Variants in CWH43 observed in about 807,000 individuals in gnomAD.
The protein encoded by CWH43 is PGAP2-interacting protein.
Under a neutral mutation model 85.7 loss-of-function variants are expected in CWH43, and 91 were observed. The observed-to-expected ratio is 1.06, with a 90% confidence interval of 0.90 to 1.26. The LOEUF (loss-of-function observed/expected upper bound fraction) is 1.26. CWH43 is among the 50% of genes most tolerant of loss of function. CWH43 has a pLI of 0.00. For missense variants in CWH43, 869 were observed against 839.2 expected, an observed-to-expected ratio of 1.04 and a Z score of -0.44; for synonymous variants, 323 against 293.6, an observed-to-expected ratio of 1.10 and a Z score of -1.02.
chr4:49,028,832 A>G (rs1560503228), intron 10 of CWH43, 98 bp downstream of exon 10: 2 of 753,956 alleles, frequency 2.7e-6, no homozygotes, highest in Non-Finnish European at 4.3e-6. Flanking sequence ...CAGGTATTAG[A>G]TTAAATTTAT....
chr4:49,034,267 T>C (rs958686956), intron 12 of CWH43, among the ~76,000 whole-genome samples: 2 of 152,222 alleles, frequency 1.3e-5, no homozygotes, highest in Non-Finnish European at 2.9e-5. Context: ...TATGTTGTAC[T>C]TAACATTGGG....
intron 8 of CWH43, among the ~76,000 whole-genome samples, chr4:49,014,458 C>A (rs1421306530): frequency 2.8e-3 from 380 of 134,386 alleles, no homozygotes; most frequent in African/African-American, 6.3e-3. Context: ...GACTCTGACT[C>A]AAAAAAAAAA....
At chr4:49,043,066 C>T (rs1369639285) in intron 13 of CWH43, among the ~76,000 whole-genome samples, 1 of 152,126 alleles carries the variant, frequency 6.6e-6, no homozygotes, top group Non-Finnish European at 1.5e-5. Flanking sequence ...ATTTACTAGC[C>T]TAGATGATGC....
intron 15 of CWH43, among the ~76,000 whole-genome samples, chr4:49,054,476 C>CTT (rs1784892936): frequency 6.6e-6 from 1 of 152,036 alleles, no homozygotes; most frequent in Admixed American, 6.6e-5. Flanking sequence ...CTCGTGATTG[C>CTT]TTAGGCTGCT....
In CWH43 at chr4:49,062,032, T is replaced by A; in HGVS notation, c.*142T>A. 2.1e-6 allele frequency: 1 copy of A among 478,454 alleles called. No individual in the cohort carries two copies. Among genetic ancestry groups the A allele is most frequent in the Middle Eastern group, 3.5e-4 (1 of 2,856 alleles). 29.6% of individuals were successfully genotyped at this position (478,454 alleles called of 1,614,324 possible). A position where few individuals can be genotyped will look rare whatever the true frequency, so the allele number is the denominator to read the frequency against. ...CACATGGTATCTATGCAGTGGGAAA[T>A]TACCTCCATTTGTAAACTATGTTGC... is the stretch of plus-strand genomic sequence containing the variant. On this transcript the variant is annotated 3_prime_UTR_variant, in exon 16 of 16. Coordinates refer to ENST00000226432, the MANE Select transcript of CWH43 (RefSeq NM_025087.3).
intron 8 of CWH43, among the ~76,000 whole-genome samples, chr4:49,008,365 C>G (rs1161715267): frequency 1.4e-5 from 2 of 142,944 alleles, no homozygotes; most frequent in Non-Finnish European, 3.1e-5. Context: ...TTTGTAGATT[C>G]TGGATATTAG....
chr4:49,037,240 T>C (rs1281410997), intron 12 of CWH43, among the ~76,000 whole-genome samples: 3 of 152,184 alleles, frequency 2.0e-5, no homozygotes, highest in African/African-American at 7.2e-5. Flanking sequence ...CATGTTCAGC[T>C]GGTGTTTGAG....
chr4:49,006,193 A>AG (rs962383687), intron 7 of CWH43, among the ~76,000 whole-genome samples: 1 of 152,174 alleles, frequency 6.6e-6, no homozygotes, highest in African/African-American at 2.4e-5. Flanking sequence ...TGAGAAAAAA[A>AG]CAAATGAAAG....
intron 15 of CWH43, among the ~76,000 whole-genome samples, chr4:49,053,998 A>G (rs1299082311): frequency 6.6e-6 from 1 of 152,118 alleles, no homozygotes; most frequent in East Asian, 1.9e-4. Flanking sequence ...TCTTTGCTAT[A>G]TAGAAGCTTG....
intron 1 of CWH43, among the ~76,000 whole-genome samples, chr4:48,987,455 A>G (rs1428574810): frequency 6.6e-6 from 1 of 152,240 alleles, no homozygotes; most frequent in Non-Finnish European, 1.5e-5. Context: ...CTTTGGAGCC[A>G]GGCTGCTTAG....
intron 2 of CWH43, among the ~76,000 whole-genome samples, chr4:48,989,376 G>A (rs574883494): frequency 4.1e-4 from 62 of 152,236 alleles, no homozygotes; most frequent in Non-Finnish European, 7.9e-4. Context: ...TTGCTTGTGC[G>A]AGTGTCCATT....
intron 9 of CWH43, among the ~76,000 whole-genome samples, chr4:49,025,561 G>A (rs1454705166): frequency 6.6e-6 from 1 of 152,182 alleles, no homozygotes; most frequent in Non-Finnish European, 1.5e-5. Flanking sequence ...CTGATGTGGT[G>A]CTCTCCCCTT....
chr4:49,030,208 A>G (rs943738238), intron 10 of CWH43, among the ~76,000 whole-genome samples: 2 of 152,172 alleles, frequency 1.3e-5, no homozygotes, highest in African/African-American at 4.8e-5. Flanking sequence ...GCATCTTTGA[A>G]ATCTGAGAGT....
chr4:48,995,290 C>T (rs1188784114), intron 5 of CWH43, among the ~76,000 whole-genome samples: 1 of 152,174 alleles, frequency 6.6e-6, no homozygotes, highest in Non-Finnish European at 1.5e-5. Context: ...CCAGGAGATC[C>T]CTGCATCTTC....
chr4:48,994,810 A>C lies in CWH43; in HGVS notation c.703A>C (p.Asn235His). The change falls in exon 5 of 16, where the codon AAC becomes CAC. Residue 235 changes from asparagine (N) to histidine (H), a missense_variant. By Grantham distance (68) the Asn-to-His change is moderately conservative (BLOSUM62 1). Around this residue, in one of 3 missense-constraint regions of CWH43, gnomAD observed 152 missense variants for 203.6 expected, o/e 0.75. Coordinates refer to ENST00000226432, the MANE Select transcript of CWH43 (RefSeq NM_025087.3). ...GCATCCACATCCAGGGCCAGATCCT[A>C]ACCCATTTGGGTGAGTTTGGGTTTG... ...SGHPHPGPDP[N>H]PFGGAVLLCL... 6.2e-7 allele frequency: 1 copy of C among 1,613,818 alleles called. No homozygotes were observed.
intron 9 of CWH43, among the ~76,000 whole-genome samples, chr4:49,025,353 C>A (rs1783877960): frequency 6.6e-6 from 1 of 152,004 alleles, no homozygotes; most frequent in South Asian, 2.1e-4. Context: ...CTTTTTCTGG[C>A]AATTCAGTGA....
chr4:49,043,465 T>C (rs1366534287), intron 13 of CWH43, among the ~76,000 whole-genome samples: 2 of 152,226 alleles, frequency 1.3e-5, no homozygotes, highest in Non-Finnish European at 2.9e-5. Flanking sequence ...TTTCATCTAA[T>C]CCTCTCTTGG....
At chr4:48,993,100 G>A (rs1453658540) in intron 4 of CWH43, among the ~76,000 whole-genome samples, 2 of 152,134 alleles carry the variant, frequency 1.3e-5, no homozygotes, top group African/African-American at 2.4e-5. Flanking sequence ...TTAAATGTAT[G>A]TGACCCAGTT....
chr4:49,053,142 C>G (rs1278365759), intron 15 of CWH43, among the ~76,000 whole-genome samples: 3 of 152,102 alleles, frequency 2.0e-5, no homozygotes, highest in Admixed American at 2.0e-4. Context: ...GAATACTATT[C>G]CATACATATG....
Sources: gnomAD v4.1 joint callset for allele counts (sites outside exome capture counted in the v4.1 genomes callset) on GRCh38, gnomAD v4.1.1 for gene constraint, gnomAD v4.1.1 regional missense constraint, MANE v1.5 for transcripts, NCBI Gene and HGNC (gene_info 2026-07-23, HGNC 2026-07-21) for gene names.